The following PAK5 variants were observed in gnomAD, a reference collection of about 807,000 sequenced individuals.
PAK5 encodes the protein serine/threonine-protein kinase PAK 5.
PAK5 carries 16 observed loss-of-function variants against 65.9 expected under a neutral mutation model. That is an observed-to-expected ratio of 0.24 (90% CI 0.16 to 0.37). PAK5 has a LOEUF of 0.37. Among genes scored for constraint, PAK5 ranks in the 10% least tolerant of loss-of-function variants. The pLI is 1.00. For missense variants in PAK5, 785 were observed against 903.9 expected (o/e 0.87, Z 1.69); for synonymous variants, 371 against 354.9 (o/e 1.05, Z -0.51).
chr20:9,664,229 A>T (rs570018827), intron 2 of PAK5, among the ~76,000 whole-genome samples: 1 of 152,304 alleles, frequency 6.6e-6, no homozygotes, highest in East Asian at 1.9e-4. Context: ...ATAGATCCTA[A>T]CCAAGAGTGT....
chr20:9,622,148 C>T (rs556619043), intron 3 of PAK5, among the ~76,000 whole-genome samples: 4 of 152,204 alleles, frequency 2.6e-5, no homozygotes, highest in South Asian at 2.1e-4. Flanking sequence ...CAAATATATA[C>T]GTGATTATAT....
intron 2 of PAK5, among the ~76,000 whole-genome samples, chr20:9,680,141 T>G (rs2047630182): frequency 6.6e-6 from 1 of 152,242 alleles, no homozygotes; most frequent in South Asian, 2.1e-4. Context: ...CAATGGCTAC[T>G]GAGCACTAGT....
chr20:9,739,419 A>G (rs1441211494), intron 1 of PAK5, among the ~76,000 whole-genome samples: 1 of 152,084 alleles, frequency 6.6e-6, no homozygotes, highest in Non-Finnish European at 1.5e-5. Context: ...TTTGTGAAAT[A>G]TATTACTATA....
At chr20:9,803,365 A>C (rs2049194965) in intron 1 of PAK5, among the ~76,000 whole-genome samples, 1 of 152,148 alleles carries the variant, frequency 6.6e-6, no homozygotes, top group African/African-American at 2.4e-5. Context: ...GGCACATCCA[A>C]GCACACATTT....
chr20:9,590,186 G>A (rs2046142743), intron 3 of PAK5, among the ~76,000 whole-genome samples: 1 of 152,086 alleles, frequency 6.6e-6, no homozygotes. Context: ...GCCCAGGGTG[G>A]TCTCAAACTC....
intron 1 of PAK5, among the ~76,000 whole-genome samples, chr20:9,817,451 C>T (rs969879863): frequency 3.9e-5 from 6 of 152,070 alleles, no homozygotes; most frequent in African/African-American, 1.4e-4. Flanking sequence ...ATGTGCCAGG[C>T]CCTGGAGATA....
intron 1 of PAK5, among the ~76,000 whole-genome samples, chr20:9,797,352 T>C (rs889669660): frequency 7.2e-5 from 11 of 151,916 alleles, no homozygotes; most frequent in African/African-American, 2.4e-4. Flanking sequence ...TGTAGGGACA[T>C]GGATGAAGCT....
At chr20:9,676,213 C>G (rs146436298) in intron 2 of PAK5, among the ~76,000 whole-genome samples, 1 of 152,036 alleles carries the variant, frequency 6.6e-6, no homozygotes, top group Non-Finnish European at 1.5e-5. Flanking sequence ...GAAGGACCTG[C>G]CCCCATGATT....
intron 2 of PAK5, among the ~76,000 whole-genome samples, chr20:9,686,674 G>A (rs560822213): frequency 5.3e-5 from 8 of 152,246 alleles, no homozygotes; most frequent in Non-Finnish European, 1.0e-4. Context: ...CTAGTCCCTG[G>A]AGGCCTCAAC....
chr20:9,811,168 T>C (rs760486147), intron 1 of PAK5, among the ~76,000 whole-genome samples: 7 of 152,192 alleles, frequency 4.6e-5, no homozygotes, highest in Admixed American at 6.6e-5. Context: ...TACAAAGTAC[T>C]GGCCAATGAT....
At chr20:9,618,146 T>C (rs1186421435) in intron 3 of PAK5, among the ~76,000 whole-genome samples, 2 of 152,030 alleles carry the variant, frequency 1.3e-5, no homozygotes, top group Non-Finnish European at 2.9e-5. Flanking sequence ...GACAGCATAC[T>C]CCAAGGAACA....
chr20:9,621,372 A>C (rs2123187266), intron 3 of PAK5, among the ~76,000 whole-genome samples: 1 of 151,792 alleles, frequency 6.6e-6, no homozygotes, highest in Non-Finnish European at 1.5e-5. Flanking sequence ...AGACAGCTTA[A>C]AAAAATGTCA....
At chr20:9,714,113 T>C (rs933075043) in intron 1 of PAK5, among the ~76,000 whole-genome samples, 2 of 152,136 alleles carry the variant, frequency 1.3e-5, no homozygotes, top group Non-Finnish European at 2.9e-5. Flanking sequence ...AAACATCACA[T>C]GTATCCCCAA....
intron 9 of PAK5, among the ~76,000 whole-genome samples, chr20:9,541,994 AT>A (rs1175357576): frequency 1.3e-5 from 2 of 152,198 alleles, no homozygotes; most frequent in Non-Finnish European, 2.9e-5. Flanking sequence ...CTGTGAGTTA[AT>A]TAAACCTTCT....
At chr20:9,558,043 T>TACTTATTCATTC (rs2045536964) in intron 6 of PAK5, among the ~76,000 whole-genome samples, 1 of 138,870 alleles carries the variant, frequency 7.2e-6, no homozygotes, top group African/African-American at 2.9e-5. Context: ...TTTATTTATT[T>TACTTATTCATTC]ATTCATTCAT....
chr20:9,724,855 T>TA (rs920253547), intron 1 of PAK5, among the ~76,000 whole-genome samples: 10 of 151,764 alleles, frequency 6.6e-5, no homozygotes, highest in African/African-American at 2.2e-4. Context: ...ATAATTATAG[T>TA]AAAAAAAAAT....
Position 9,794,005 on chromosome 20 carries a change from G to T in PAK5, c.-162+44757C>A, listed in dbSNP as rs528310298. Among the ~76,000 whole-genome samples, 67 of 152,186 alleles carry T rather than the reference G, an allele frequency of 4.4e-4. 1 individual carries two copies. Among genetic ancestry groups the T allele is most frequent in the African/African-American group, 1.5e-3 (64 of 41,546 alleles). ...TGGAATACTATGCAGCCATAAAAAT[G>T]AATAAGATCATGTCCTTTGCAGGGA... On this transcript the variant is annotated intron_variant, in intron 1 of 9. Transcript: ENST00000353224.
chr20:9,759,819 A>G (rs776896562), intron 1 of PAK5, among the ~76,000 whole-genome samples: 3 of 152,182 alleles, frequency 2.0e-5, no homozygotes, highest in African/African-American at 7.2e-5. Context: ...ACAAGTCCCT[A>G]TAAGACACCA....
chr20:9,597,803 G>A (rs1480613309), intron 3 of PAK5, among the ~76,000 whole-genome samples: 1 of 152,206 alleles, frequency 6.6e-6, no homozygotes, highest in African/African-American at 2.4e-5. Flanking sequence ...GAGGAACAGA[G>A]ACCAGTCTTT....
Sources: gnomAD v4.1 joint callset for allele counts (sites outside exome capture counted in the v4.1 genomes callset) on GRCh38, gnomAD v4.1.1 for gene constraint, MANE v1.5 for transcripts, NCBI Gene and HGNC (gene_info 2026-07-23, HGNC 2026-07-21) for gene names.